Variants in RIMBP2 observed in about 807,000 individuals in gnomAD.
The protein encoded by RIMBP2 is RIMS-binding protein 2.
Under a neutral mutation model 118.6 loss-of-function variants are expected in RIMBP2, and 48 were observed. That is an observed-to-expected ratio of 0.40 (90% confidence interval 0.32 to 0.51). RIMBP2 has a LOEUF of 0.51. Ranked by LOEUF, RIMBP2 falls within the 20% of genes least tolerant of loss-of-function variation. RIMBP2 has a pLI of 0.41. For missense variants in RIMBP2, 1,551 were observed against 1,768.3 expected, an observed-to-expected ratio of 0.88 and a Z score of 2.20; for synonymous variants, 762 against 742.9, an observed-to-expected ratio of 1.03 and a Z score of -0.42.
At chr12:130,571,931 C>T (rs1041468180) in intron 2 of RIMBP2, among the ~76,000 whole-genome samples, 3 of 152,224 alleles carry the variant, frequency 2.0e-5, no homozygotes, top group Admixed American at 2.0e-4. Flanking sequence ...CCCCCTCCAC[C>T]CTGAGCACCG....
intron 4 of RIMBP2, among the ~76,000 whole-genome samples, chr12:130,487,395 T>C (rs1473780658): frequency 6.6e-6 from 1 of 152,152 alleles, no homozygotes; most frequent in South Asian, 2.1e-4. Context: ...CTGAGTTCAC[T>C]CGAGAGCTGG....
intron 2 of RIMBP2, among the ~76,000 whole-genome samples, chr12:130,614,646 G>GGC (rs2060784997): frequency 6.6e-6 from 1 of 151,444 alleles, no homozygotes; most frequent in Non-Finnish European, 1.5e-5. Context: ...TAGCATAGCA[G>GGC]TGACGGGGCA....
chr12:130,401,121 T>C (rs1353747394), intron 21 of RIMBP2, among the ~76,000 whole-genome samples: 1 of 151,726 alleles, frequency 6.6e-6, no homozygotes, highest in Non-Finnish European at 1.5e-5. Flanking sequence ...TTTATATCTT[T>C]TTTTTTTAAA....
At chr12:130,550,556 G>A (rs1439699299) in intron 2 of RIMBP2, among the ~76,000 whole-genome samples, 2 of 152,120 alleles carry the variant, frequency 1.3e-5, no homozygotes, top group Admixed American at 1.3e-4. Context: ...GGGTCAGCTG[G>A]GTAAAGAGTA....
In RIMBP2 at chr12:130,414,225, C is replaced by T. The variant is rs1045363440; in HGVS notation, c.3320G>A (p.Arg1107Gln). 4 of 1,613,990 alleles carry T rather than the reference C, an allele frequency of 2.5e-6. No homozygotes were observed. Among genetic ancestry groups the T allele is most frequent in the South Asian group, 1.1e-5 (1 of 91,082 alleles). The change falls in exon 18 of 23, where the codon CGG (arginine) becomes CAG (glutamine). Residue 1107 changes from arginine (R) to glutamine (Q), a missense_variant. By Grantham distance (43) the Arg-to-Gln change is conservative. This residue lies in a region of RIMBP2 where 1,038 missense variants were observed against 1,125.1 expected (regional missense o/e 0.92). Transcript: ENST00000690449. Reference sequence around the variant, plus strand: ...GTAGTCAAAGAGAGCCACAAAGATCCGGGCCGGGAGCTCTTCGGCACCAGG... The same window carrying T: ...GTAGTCAAAGAGAGCCACAAAGATCTGGGCCGGGAGCTCTTCGGCACCAGG... ...TDPGAEELPA[R>Q]IFVALFDYDP...
At chr12:130,402,366 C>T (rs141729451) in intron 21 of RIMBP2, among the ~76,000 whole-genome samples, 250 of 152,232 alleles carry the variant, frequency 1.6e-3, no homozygotes, top group African/African-American at 5.7e-3. Flanking sequence ...ACGACATTCT[C>T]TGTCCCTCTG....
At position 130,517,885 on chromosome 12, in the gene RIMBP2, C is replaced by T. The variant is rs1220125408; in HGVS notation, c.-184G>A. 6 of 985,654 alleles carry T rather than the reference C, an allele frequency of 6.1e-6. No homozygotes were observed. The highest frequency in any genetic ancestry group is 3.5e-5 in the African/African-American group (2 of 57,226). The allele number at this position is 985,654 out of a possible 1,614,324, so 61.1% of individuals were successfully genotyped here. On this transcript the variant is annotated 5_prime_UTR_variant, in exon 3 of 23. Coordinates refer to ENST00000690449, the MANE Select transcript of RIMBP2 (RefSeq NM_001393629.1). ...CTGCATGATGGGATCTCAGGAGATA[C>T]TCTCCCTGGGTGGCATCCTTCAGTT...
chr12:130,438,610 T>C, intron 11 of RIMBP2, 94 bp from the exon 12 acceptor site: 10 of 1,064,938 alleles, frequency 9.4e-6, no homozygotes, highest in Non-Finnish European at 1.3e-5. Context: ...GGAAACGAGA[T>C]CATTCGGTAA....
At chr12:130,705,309 A>G (rs1388423342) in intron 1 of RIMBP2, among the ~76,000 whole-genome samples, 1 of 152,222 alleles carries the variant, frequency 6.6e-6, no homozygotes, top group African/African-American at 2.4e-5. Flanking sequence ...AGACAGGCTC[A>G]TGAAGCCGCC....
intron 1 of RIMBP2, among the ~76,000 whole-genome samples, chr12:130,697,138 C>T (rs2065612048): frequency 2.0e-5 from 3 of 152,174 alleles, no homozygotes; most frequent in African/African-American, 7.2e-5. Context: ...ATGAAGACTG[C>T]CAGACTGGAG....
intron 2 of RIMBP2, among the ~76,000 whole-genome samples, chr12:130,558,711 A>G (rs1250356676): frequency 6.6e-6 from 1 of 152,226 alleles, no homozygotes; most frequent in Non-Finnish European, 1.5e-5. Flanking sequence ...TGGTCCCAGC[A>G]GCGCATCCAA....
chr12:130,647,789 G>T (rs548310769), intron 1 of RIMBP2, among the ~76,000 whole-genome samples: 1 of 146,012 alleles, frequency 6.8e-6, no homozygotes, highest in East Asian at 1.9e-4. Context: ...CCATGTATTG[G>T]TGTGTGACTT....
chr12:130,509,564 C>T (rs1418171442), intron 3 of RIMBP2, among the ~76,000 whole-genome samples: 2 of 152,328 alleles, frequency 1.3e-5, no homozygotes, highest in African/African-American at 2.4e-5. Context: ...GCGAGTCCTC[C>T]CACTGGGTGG....
chr12:130,647,248 A>C (rs547935183), intron 1 of RIMBP2, among the ~76,000 whole-genome samples: 1 of 152,282 alleles, frequency 6.6e-6, no homozygotes, highest in South Asian at 2.1e-4. Context: ...CTGTAATCCT[A>C]GCTACTCGGG....
chr12:130,519,170 A>G (rs1422995700), intron 2 of RIMBP2, among the ~76,000 whole-genome samples: 6 of 152,374 alleles, frequency 3.9e-5, no homozygotes, highest in Non-Finnish European at 5.9e-5. Flanking sequence ...CTCTGTTACA[A>G]TATTTCGAGT....
At chr12:130,610,549 TGC>T (rs1346342266) in intron 2 of RIMBP2, among the ~76,000 whole-genome samples, 2 of 135,132 alleles carry the variant, frequency 1.5e-5, no homozygotes, top group Non-Finnish European at 3.1e-5. Flanking sequence ...GTAATTTTCC[TGC>T]TTTTTTTTTT....
intron 1 of RIMBP2, among the ~76,000 whole-genome samples, chr12:130,709,057 G>A (rs1012848813): frequency 6.6e-6 from 1 of 152,280 alleles, no homozygotes; most frequent in Admixed American, 6.5e-5. Context: ...ATGTAACCGA[G>A]GAAGGCACCC....
At chr12:130,458,937 G>A (rs2137566491) in intron 6 of RIMBP2, among the ~76,000 whole-genome samples, 2 of 151,802 alleles carry the variant, frequency 1.3e-5, no homozygotes, top group Non-Finnish European at 2.9e-5. Flanking sequence ...CCAGCTATTT[G>A]GGAGGCTGAG....
At chr12:130,692,518 C>G (rs1037466195) in intron 1 of RIMBP2, among the ~76,000 whole-genome samples, 1 of 152,050 alleles carries the variant, frequency 6.6e-6, no homozygotes, top group Non-Finnish European at 1.5e-5. Context: ...GAGACCCTCA[C>G]GGTCTCCCTC....
Sources: gnomAD v4.1 joint callset for allele counts (sites outside exome capture counted in the v4.1 genomes callset) on GRCh38, gnomAD v4.1.1 for gene constraint, gnomAD v4.1.1 regional missense constraint, MANE v1.5 for transcripts, NCBI Gene and HGNC (gene_info 2026-07-23, HGNC 2026-07-21) for gene names.